The following SLC35F1 variants were observed in gnomAD, a reference collection of about 807,000 sequenced individuals.
The protein encoded by SLC35F1 is chromosome 6 open reading frame 169.
SLC35F1 carries 14 observed loss-of-function variants against 48.7 expected under a neutral mutation model. That is an observed-to-expected ratio of 0.29 (90% CI 0.19 to 0.45). SLC35F1 has a LOEUF of 0.45. Ranked by LOEUF, SLC35F1 falls within the 20% of genes least tolerant of loss-of-function variation. SLC35F1 has a pLI of 1.00. For synonymous variants in SLC35F1, 190 were observed against 202.2 expected, an observed-to-expected ratio of 0.94 and a Z score of 0.51; for missense variants, 404 against 500.0, an observed-to-expected ratio of 0.81 and a Z score of 1.83.
chr6:118,315,873 C>G lies in SLC35F1; in HGVS notation c.*1621C>G, dbSNP rs1189190042. 2 of 152,136 alleles carry G rather than the reference C, an allele frequency of 1.3e-5. No homozygotes were observed. Among genetic ancestry groups the G allele is most frequent in the Non-Finnish European group, 2.9e-5 (2 of 68,030 alleles). The allele number at this position is 152,136 out of a possible 1,614,324, so 9.4% of individuals were successfully genotyped here. A position where few individuals can be genotyped will look rare whatever the true frequency, so the allele number is the denominator to read the frequency against. On this transcript the variant is annotated 3_prime_UTR_variant, in exon 8 of 8. Coordinates refer to ENST00000360388, the MANE Select transcript of SLC35F1 (RefSeq NM_001029858.4). ...CAGGAAATTAAGAAACACCACAGAC[C>G]TCTATTATTTAGAATAGATTCTATG...
chr6:118,006,371 C>T (rs993739037), intron 1 of SLC35F1, among the ~76,000 whole-genome samples: 2 of 152,020 alleles, frequency 1.3e-5, no homozygotes, highest in Admixed American at 6.6e-5. Context: ...AATCCCAGCA[C>T]GTTGGGAAGC....
chr6:118,262,243 A>G (rs1775722278), intron 3 of SLC35F1, among the ~76,000 whole-genome samples: 1 of 152,036 alleles, frequency 6.6e-6, no homozygotes, highest in Non-Finnish European at 1.5e-5. Context: ...AAAGGAAGGG[A>G]GCATCCACAG....
chr6:118,109,326 T>C (rs1023841943), intron 1 of SLC35F1, among the ~76,000 whole-genome samples: 1 of 152,112 alleles, frequency 6.6e-6, no homozygotes, highest in Non-Finnish European at 1.5e-5. Context: ...AGAATGGGAG[T>C]GACTTTGGCA....
chr6:118,295,743 T>C (rs1776175688), intron 7 of SLC35F1, among the ~76,000 whole-genome samples: 1 of 152,234 alleles, frequency 6.6e-6, no homozygotes, highest in South Asian at 2.1e-4. Flanking sequence ...GTTAAGCTTA[T>C]AGTGCCCAAA....
rs148375086 is a variant in SLC35F1, at chr6:118,246,348, A to G, written c.477+10712A>G. 1.0e-3 allele frequency among the ~76,000 whole-genome samples: 156 copies of G among 152,252 alleles called. 1 individual carries two copies. Among genetic ancestry groups the G allele is most frequent in the African/African-American group, 3.6e-3 (151 of 41,536 alleles). The stretch of plus-strand genomic sequence containing the variant: ...GCTTTACAGATAGATGGCTGTATGG[A>G]GCATGATTTAACAGGGGAAATTAAA... On this transcript the variant is annotated intron_variant, in intron 3 of 7. Coordinates refer to ENST00000360388, the MANE Select transcript of SLC35F1 (RefSeq NM_001029858.4).
intron 2 of SLC35F1, among the ~76,000 whole-genome samples, chr6:118,229,284 A>C (rs1775258693): frequency 6.6e-6 from 1 of 152,138 alleles, no homozygotes; most frequent in Non-Finnish European, 1.5e-5. Context: ...TCACAGGAAA[A>C]ATTCTCTCAT....
chr6:117,964,816 T>C (rs909928217), intron 1 of SLC35F1, among the ~76,000 whole-genome samples: 3 of 152,220 alleles, frequency 2.0e-5, no homozygotes, highest in Non-Finnish European at 4.4e-5. Context: ...CAACAAGTAT[T>C]GCCAGGGAAG....
At chr6:118,262,938 T>A (rs1420176837) in intron 3 of SLC35F1, among the ~76,000 whole-genome samples, 4 of 151,490 alleles carry the variant, frequency 2.6e-5, no homozygotes, top group African/African-American at 4.8e-5. Flanking sequence ...AAAATGAATT[T>A]AAAAAAAAAC....
At chr6:117,990,130 G>A (rs1490436657) in intron 1 of SLC35F1, among the ~76,000 whole-genome samples, 2 of 152,020 alleles carry the variant, frequency 1.3e-5, no homozygotes, top group Non-Finnish European at 2.9e-5. Flanking sequence ...CATTTTAAGG[G>A]CACCTGAATT....
At chr6:118,099,746 G>C (rs1400421719) in intron 1 of SLC35F1, among the ~76,000 whole-genome samples, 1 of 152,162 alleles carries the variant, frequency 6.6e-6, no homozygotes, top group African/African-American at 2.4e-5. Flanking sequence ...TTTCCACCTT[G>C]TGCATCCTGC....
At position 117,923,720 on chromosome 6, in the gene SLC35F1, T is replaced by TATACATATGTACATATACAC. The variant is rs1582564729; in HGVS notation, c.173+15824_173+15825insCATATGTACATATACACATA. 2.2e-3 allele frequency among the ~76,000 whole-genome samples: 13 copies of TATACATATGTACATATACAC among 5,882 alleles called. 3 individuals carry two copies. The highest frequency in any genetic ancestry group is 7.7e-3 in the African/African-American group (12 of 1,554). 3.9% of individuals were successfully genotyped at this position (5,882 alleles called of 152,430 possible). ...ATATACATATATGTACATATATACA[T>TATACATATGTACATATACAC]ATATACATATGTATATATACATATA... is the stretch of plus-strand genomic sequence containing the variant. On this transcript the variant is annotated intron_variant, in intron 1 of 7. Coordinates refer to ENST00000360388, the MANE Select transcript of SLC35F1 (RefSeq NM_001029858.4).
intron 1 of SLC35F1, among the ~76,000 whole-genome samples, chr6:118,009,729 G>A (rs940312365): frequency 2.0e-4 from 31 of 152,058 alleles, no homozygotes; most frequent in Non-Finnish European, 3.1e-4. Context: ...TATGCACTCA[G>A]TAAAACTGAG....
At chr6:118,035,283 G>A (rs773191705) in intron 1 of SLC35F1, among the ~76,000 whole-genome samples, 1 of 151,852 alleles carries the variant, frequency 6.6e-6, no homozygotes. Flanking sequence ...TGTACTCGGG[G>A]GTTTATGCAT....
chr6:118,089,090 C>T (rs936553546), intron 1 of SLC35F1, among the ~76,000 whole-genome samples: 6 of 151,944 alleles, frequency 3.9e-5, no homozygotes, highest in Admixed American at 6.6e-5. Flanking sequence ...AGGTAATGGC[C>T]GTGGAGATAG....
intron 3 of SLC35F1, among the ~76,000 whole-genome samples, chr6:118,255,359 T>A (rs907474968): frequency 6.6e-6 from 1 of 152,244 alleles, no homozygotes; most frequent in African/African-American, 2.4e-5. Flanking sequence ...TTTTTACTTT[T>A]AGAATCTGGT....
At chr6:118,129,191 T>G (rs1021421539) in intron 1 of SLC35F1, among the ~76,000 whole-genome samples, 5 of 152,090 alleles carry the variant, frequency 3.3e-5, no homozygotes, top group Non-Finnish European at 7.4e-5. Flanking sequence ...TGGATTGAGA[T>G]TGGGCCTTAG....
At chr6:118,051,478 C>A (rs867491432) in intron 1 of SLC35F1, among the ~76,000 whole-genome samples, 31 of 152,056 alleles carry the variant, frequency 2.0e-4, no homozygotes, top group African/African-American at 7.5e-4. Context: ...AAAGAATTTT[C>A]TAAATACTAT....
At chr6:118,015,794 T>G (rs1214817073) in intron 1 of SLC35F1, among the ~76,000 whole-genome samples, 1 of 152,176 alleles carries the variant, frequency 6.6e-6, no homozygotes, top group Non-Finnish European at 1.5e-5. Flanking sequence ...CTAAATTTTT[T>G]TATGACCTCA....
chr6:118,110,657 T>C (rs1336119447), intron 1 of SLC35F1, among the ~76,000 whole-genome samples: 1 of 152,184 alleles, frequency 6.6e-6, no homozygotes, highest in Non-Finnish European at 1.5e-5. Flanking sequence ...TATCCTCCAA[T>C]GCCTTTGTTT....
Sources: allele counts gnomAD v4.1 joint callset (sites outside exome capture counted in the v4.1 genomes callset), GRCh38; gene constraint gnomAD v4.1.1; transcripts MANE v1.5; gene names NCBI Gene and HGNC (gene_info 2026-07-23, HGNC 2026-07-21).